ERGIC1: variants seen among roughly 807,000 people sequenced by gnomAD.
The protein encoded by ERGIC1 is endoplasmic reticulum-Golgi intermediate compartment protein 1.
In ERGIC1, 19 loss-of-function variants were observed where a neutral mutation model predicts 38.3. That is an observed-to-expected ratio of 0.50 (90% CI 0.35 to 0.73). The LOEUF is 0.73. Ranked by LOEUF, ERGIC1 falls within the 30% of genes least tolerant of loss-of-function variation. The pLI is 0.01. For missense variants in ERGIC1, 294 were observed against 389.2 expected (o/e 0.76, Z 2.06); for synonymous variants, 124 against 157.6 (o/e 0.79, Z 1.60).
At chr5:172,887,161 G>A (rs192866635) in intron 1 of ERGIC1, among the ~76,000 whole-genome samples, 2 of 152,294 alleles carry the variant, frequency 1.3e-5, no homozygotes, top group Non-Finnish European at 1.5e-5. Context: ...AAGGCATTGC[G>A]TCGGGTTTAG....
intron 1 of ERGIC1, among the ~76,000 whole-genome samples, chr5:172,847,554 G>A (rs1391449113): frequency 6.6e-6 from 1 of 151,880 alleles, no homozygotes; most frequent in African/African-American, 2.4e-5. Flanking sequence ...TTGCTCTGTC[G>A]CCAGGCTGGA....
At chr5:172,915,872 C>G (rs1763352547) in intron 5 of ERGIC1, 1 of 306,744 alleles carries the variant, frequency 3.3e-6, no homozygotes, top group Non-Finnish European at 6.7e-6. Flanking sequence ...GACACCTGAG[C>G]TGGGGTTGCA....
chr5:172,873,950 G>A (rs963153663), intron 1 of ERGIC1, among the ~76,000 whole-genome samples: 1 of 152,188 alleles, frequency 6.6e-6, no homozygotes. Context: ...ATAAACACAT[G>A]CCTTACACCT....
At chr5:172,838,941 C>T (rs1467989722) in intron 1 of ERGIC1, among the ~76,000 whole-genome samples, 1 of 152,080 alleles carries the variant, frequency 6.6e-6, no homozygotes, top group African/African-American at 2.4e-5. Flanking sequence ...TACTTTACAG[C>T]AAGTTTTAAA....
At chr5:172,860,807 C>T (rs185966922) in intron 1 of ERGIC1, among the ~76,000 whole-genome samples, 31 of 152,296 alleles carry the variant, frequency 2.0e-4, no homozygotes, top group Admixed American at 2.0e-3. Context: ...GTTAGCCACG[C>T]CTGTGTTTCT....
intron 4 of ERGIC1, among the ~76,000 whole-genome samples, chr5:172,910,582 T>A (rs1763181416): frequency 6.8e-6 from 1 of 148,012 alleles, no homozygotes; most frequent in Non-Finnish European, 1.5e-5. Flanking sequence ...CGGAGTGCAA[T>A]GGCACGATCT....
intron 1 of ERGIC1, among the ~76,000 whole-genome samples, chr5:172,853,297 G>A (rs1278909884): frequency 1.3e-5 from 2 of 152,170 alleles, no homozygotes; most frequent in Non-Finnish European, 2.9e-5. Context: ...AGCCCCCATT[G>A]CGGCCCCCAT....
In ERGIC1 at chr5:172,878,187, G is replaced by T. The variant is rs552436955; in HGVS notation, c.21-10512G>T. On this transcript the variant is annotated intron_variant, in intron 1 of 9. Coordinates refer to ENST00000393784, the MANE Select transcript of ERGIC1 (RefSeq NM_001031711.3). ...GAGGCTGCTGGAGCTGGGAGGCCAT[G>T]CCATGGGCACCAAGGTCTAGGGAGA... Among the ~76,000 whole-genome samples the T allele has an allele frequency of 6.6e-5, 10 of 152,328 alleles. No individual in the cohort carries two copies. In the South Asian group the frequency reaches 2.1e-3, roughly 32 times the overall value.
intron 2 of ERGIC1, among the ~76,000 whole-genome samples, chr5:172,896,584 G>A (rs1762728224): frequency 6.6e-6 from 1 of 152,198 alleles, no homozygotes; most frequent in Admixed American, 6.5e-5. Context: ...GAGATGTTCT[G>A]GAGAAGCCAG....
intron 1 of ERGIC1, among the ~76,000 whole-genome samples, chr5:172,870,155 T>C (rs793021): frequency 0.68 from 104,215 of 152,178 alleles, 37,506 homozygotes; most frequent in Non-Finnish European, 0.81. Context: ...AAACTGATAA[T>C]ACTCAGGCCA....
intron 1 of ERGIC1, among the ~76,000 whole-genome samples, chr5:172,847,772 C>T (rs181064130): frequency 9.2e-5 from 14 of 152,346 alleles, no homozygotes; most frequent in Admixed American, 1.3e-4. Flanking sequence ...CTTGGCCTCC[C>T]AAAGTGCTGG....
chr5:172,909,166 C>G (rs1274264678), intron 3 of ERGIC1, among the ~76,000 whole-genome samples: 1 of 52,106 alleles, frequency 1.9e-5, no homozygotes, highest in Non-Finnish European at 4.8e-5. Context: ...CAGCCCTCCC[C>G]TCTTTTTTTT....
At chr5:172,946,038 C>T (rs1008814912) in intron 9 of ERGIC1, among the ~76,000 whole-genome samples, 1 of 152,202 alleles carries the variant, frequency 6.6e-6, no homozygotes, top group Non-Finnish European at 1.5e-5. Flanking sequence ...TCTCCCACGG[C>T]TAGAATTAGT....
intron 1 of ERGIC1, among the ~76,000 whole-genome samples, chr5:172,884,086 T>G (rs936121459): frequency 6.6e-6 from 1 of 152,208 alleles, no homozygotes; most frequent in Non-Finnish European, 1.5e-5. Flanking sequence ...TTTGAAGGTA[T>G]GTCAATATCC....
intron 3 of ERGIC1, among the ~76,000 whole-genome samples, chr5:172,904,362 A>T (rs909148446): frequency 6.6e-6 from 1 of 152,304 alleles, no homozygotes; most frequent in Middle Eastern, 3.4e-3. Flanking sequence ...ATTGCCATAG[A>T]TTAATTTTGC....
Position 172,837,389 on chromosome 5 carries a change from A to G in ERGIC1, c.20+2956A>G, listed in dbSNP as rs1455725168. On this transcript the variant is annotated intron_variant, in intron 1 of 9. Coordinates refer to ENST00000393784, the MANE Select transcript of ERGIC1 (RefSeq NM_001031711.3). The surrounding 1 kb of genome is among the most constrained non-coding windows in gnomAD (Gnocchi z 4.3). ...CATATTTATTTGTGTCATTTTATTT[A>G]AGCACCCATCATCTCCTAACACATT... 6.6e-6 allele frequency among the ~76,000 whole-genome samples: 1 copy of G among 152,126 alleles called. No individual in the cohort carries two copies. Among genetic ancestry groups the G allele is most frequent in the African/African-American group, 2.4e-5 (1 of 41,416 alleles).
At chr5:172,858,020 A>G (rs918371738) in intron 1 of ERGIC1, among the ~76,000 whole-genome samples, 8 of 152,178 alleles carry the variant, frequency 5.3e-5, no homozygotes, top group Non-Finnish European at 7.3e-5. Flanking sequence ...TAAACATCCA[A>G]TTAAATGTAT....
At chr5:172,941,596 A>G (rs1764014666) in intron 9 of ERGIC1, among the ~76,000 whole-genome samples, 2 of 152,326 alleles carry the variant, frequency 1.3e-5, no homozygotes, top group South Asian at 4.1e-4. Context: ...TGTTGCAGCA[A>G]CAAAGCCCCC....
At chr5:172,853,791 G>T (rs970371476) in intron 1 of ERGIC1, among the ~76,000 whole-genome samples, 2 of 152,230 alleles carry the variant, frequency 1.3e-5, no homozygotes, top group Non-Finnish European at 2.9e-5. Flanking sequence ...AGCTTCCTGG[G>T]CTTCCTTCAG....
Sources: allele counts gnomAD v4.1 joint callset (sites outside exome capture counted in the v4.1 genomes callset), GRCh38; gene constraint gnomAD v4.1.1; non-coding constraint Gnocchi (gnomAD v3.1); transcripts MANE v1.5; gene names NCBI Gene and HGNC (gene_info 2026-07-23, HGNC 2026-07-21).